The following ITGA11 variants were observed in gnomAD, a reference collection of about 807,000 sequenced individuals.
ITGA11 encodes integrin alpha-11.
ITGA11 carries 97 observed loss-of-function variants against 141.9 expected under a neutral mutation model. The ratio of observed to expected loss-of-function variants is 0.68; its 90% CI spans 0.58 to 0.81. The LOEUF (loss-of-function observed/expected upper bound fraction) is 0.81, where lower values mean the gene tolerates loss of function less well. Among genes scored for constraint, ITGA11 ranks in the 30% least tolerant of loss-of-function variants. The probability of loss-of-function intolerance (pLI) is 0.00; values close to 1 mark genes in which losing one functional copy is unlikely to be tolerated. For synonymous variants in ITGA11, 658 were observed against 624.6 expected (o/e 1.05, Z -0.80); for missense variants, 1,387 against 1,559.2 (o/e 0.89, Z 1.86).
chr15:68,306,482 C>G (rs558598357), intron 28 of ITGA11, among the ~76,000 whole-genome samples: 1 of 152,204 alleles, frequency 6.6e-6, no homozygotes, highest in Non-Finnish European at 1.5e-5. Context: ...TCGCTCCCCT[C>G]CGGGCCTGTG....
In ITGA11 at chr15:68,321,394, T is replaced by G. The variant is rs1595857700; in HGVS notation, c.2408+24A>C. 1 of 1,486,240 alleles carries G rather than the reference T, an allele frequency of 6.7e-7. No homozygotes were observed. The highest frequency in any genetic ancestry group is 9.1e-7 in the Non-Finnish European group (1 of 1,096,730). The allele number at this position is 1,486,240 out of a possible 1,614,324, so 92.1% of individuals were successfully genotyped here. A position where few individuals can be genotyped will look rare whatever the true frequency, so the allele number is the denominator to read the frequency against. On this transcript the variant is annotated intron_variant, in intron 19 of 29. Transcript: ENST00000315757. This position sits in a 1 kb window ranked among gnomAD's most constrained non-coding sequence, Gnocchi z 4.9. ...GGCAGTGAAGGGGAAGGGGCGAGGG[T>G]GGGGGTGGAAGGAGCCAACTCACAT...
rs189315992 is a variant in ITGA11, at chr15:68,303,355, G to A, written c.3496-225C>T. Among the ~76,000 whole-genome samples the A allele has an allele frequency of 2.1e-3, 322 of 152,280 alleles. 3 individuals carry two copies. Among genetic ancestry groups the A allele is most frequent in the African/African-American group, 7.4e-3 (308 of 41,558 alleles). ...AAGTCATACTAGTGCCCATCTTGCTGTGTGACCAGCCCCAGCCAACATCCC... is the reference window on the plus strand; with the variant it reads ...AAGTCATACTAGTGCCCATCTTGCTATGTGACCAGCCCCAGCCAACATCCC... On this transcript the variant is annotated intron_variant, in intron 29 of 29. Coordinates refer to ENST00000315757, the MANE Select transcript of ITGA11 (RefSeq NM_001004439.2). This position sits in a 1 kb window ranked among gnomAD's most constrained non-coding sequence, Gnocchi z 5.3.
rs1326182451 is a variant in ITGA11 at position 68,321,666 on chromosome 15, C to T, written c.2323-163G>A. ...GTCTTGTGCTTTTCCATAGATGCTTCCCTCTTTAAAACGATGCTCAAAGCT... is the reference window on the plus strand; with the variant it reads ...GTCTTGTGCTTTTCCATAGATGCTTTCCTCTTTAAAACGATGCTCAAAGCT... On this transcript the variant is annotated intron_variant, in intron 18 of 29. Coordinates refer to ENST00000315757, the MANE Select transcript of ITGA11 (RefSeq NM_001004439.2). The surrounding 1 kb of genome is among the most constrained non-coding windows in gnomAD (Gnocchi z 4.9). Among the ~76,000 whole-genome samples the T allele has an allele frequency of 6.6e-6, 1 of 152,146 alleles. No homozygotes were observed. The highest frequency in any genetic ancestry group is 1.5e-5 in the Non-Finnish European group (1 of 68,034).
In ITGA11 at chr15:68,325,212, G is replaced by T. The variant is rs779588464; in HGVS notation, c.2241C>A (p.Thr747=). ...CCTCCAGGGAATACTCGACTGAGAAGGTCACTGGCTTCACGTAGTCAGCAG... is the reference window on the plus strand; with the variant it reads ...CCTCCAGGGAATACTCGACTGAGAATGTCACTGGCTTCACGTAGTCAGCAG... ...LDTADYVKPV[T]FSVEYSLEDP... The change falls in exon 18 of 30, where the codon ACC becomes ACA. Residue 747 remains threonine, a synonymous_variant. Coordinates refer to ENST00000315757, the MANE Select transcript of ITGA11 (RefSeq NM_001004439.2). This position sits in a 1 kb window ranked among gnomAD's most constrained non-coding sequence, Gnocchi z 5.5. 6.2e-7 allele frequency: 1 copy of T among 1,613,934 alleles called. No individual in the cohort carries two copies. The highest frequency in any genetic ancestry group is 1.1e-5 in the South Asian group (1 of 91,066).
chr15:68,398,832 A>AAT (rs111676651), intron 2 of ITGA11, among the ~76,000 whole-genome samples: 147,337 of 147,378 alleles, frequency 1, 73,648 homozygotes, highest in Middle Eastern at 1. Flanking sequence ...ATAAAATATA[A>AAT]ATATTTTATA....
intron 2 of ITGA11, among the ~76,000 whole-genome samples, chr15:68,400,914 AAAT>A (rs1320243510): frequency 8.4e-5 from 4 of 47,750 alleles, no homozygotes; most frequent in South Asian, 4.5e-4. Context: ...ATTATATAAT[AAAT>A]ATTATAATAT....
At chr15:68,348,108 C>T (rs752208301) in intron 10 of ITGA11, among the ~76,000 whole-genome samples, 6 of 152,240 alleles carry the variant, frequency 3.9e-5, no homozygotes, top group Non-Finnish European at 8.8e-5. Flanking sequence ...TTCTGTCCCC[C>T]TTGCAGTCCT....
rs535301460 is a variant in ITGA11, at chr15:68,335,770, G to A, written c.1352C>T (p.Thr451Met). ...YVAGAPRFNH[T>M]GKVILFTMHN... ...CATGGTGAACAGGATGACCTTGCCC[G>A]TGTGGTTGAACCGGGGGGCTCCGGC... is the stretch of plus-strand genomic sequence containing the variant. The change falls in exon 12 of 30, where the codon ACG becomes ATG. Residue 451 changes from threonine to methionine, a missense_variant. By Grantham distance (81) the Thr-to-Met change is moderately conservative. Transcript: ENST00000315757. This position sits in a 1 kb window ranked among gnomAD's most constrained non-coding sequence, Gnocchi z 4.9. 25 of 1,613,786 alleles carry A rather than the reference G, an allele frequency of 1.5e-5. No individual in the cohort carries two copies. Among genetic ancestry groups the A allele is most frequent in the East Asian group, 6.7e-5 (3 of 44,880 alleles).
At chr15:68,323,469 C>T (rs974360366) in intron 18 of ITGA11, among the ~76,000 whole-genome samples, 3 of 152,168 alleles carry the variant, frequency 2.0e-5, no homozygotes, top group Non-Finnish European at 2.9e-5. Context: ...TGGCTCACTT[C>T]CCCAACAGGC....
intron 7 of ITGA11, among the ~76,000 whole-genome samples, chr15:68,353,582 T>G (rs917260411): frequency 1.3e-5 from 2 of 152,222 alleles, no homozygotes; most frequent in African/African-American, 4.8e-5. Context: ...GAATGTCATA[T>G]GAATCTGTAA....
chr15:68,344,076 A>C (rs1296804345), intron 10 of ITGA11, among the ~76,000 whole-genome samples: 1 of 152,164 alleles, frequency 6.6e-6, no homozygotes, highest in South Asian at 2.1e-4. Flanking sequence ...AGTGGGCACT[A>C]GGGCACAGCC....
Position 68,432,028 on chromosome 15 carries a change from G to T in ITGA11, c.39C>A (p.Leu13=). The T allele has an allele frequency of 7.5e-7, 1 of 1,338,978 alleles. No homozygotes were observed. The highest frequency in any genetic ancestry group is 3.1e-5 in the East Asian group (1 of 32,402). 82.9% of individuals were successfully genotyped at this position (1,338,978 alleles called of 1,614,324 possible). A position where few individuals can be genotyped will look rare whatever the true frequency, so the allele number is the denominator to read the frequency against. ...LPRGLVVAWA[L]SLWPGFTDTF... is the part of the protein sequence containing the mutation. ...GTGGGCACCTACCTGGCCACAGGCT[G>T]AGCGCCCAGGCCACCACCAGGCCCC... Residue 13 remains leucine, a synonymous_variant, in exon 1 of 30, where the codon CTC becomes CTA. Transcript: ENST00000315757.
intron 2 of ITGA11, among the ~76,000 whole-genome samples, chr15:68,386,106 G>A (rs76908948): frequency 6.6e-6 from 1 of 152,282 alleles, no homozygotes; most frequent in African/African-American, 2.4e-5. Flanking sequence ...GTCTCCACAA[G>A]TAGAAGACAC....
At chr15:68,356,935 G>T (rs933682710) in intron 7 of ITGA11, 4 of 539,236 alleles carry the variant, frequency 7.4e-6, no homozygotes, top group Non-Finnish European at 1.3e-5. Flanking sequence ...AGAACCTTCA[G>T]ATGACAACAG....
At position 68,322,557 on chromosome 15, in the gene ITGA11, A is replaced by G. The variant is rs16951774; in HGVS notation, c.2323-1054T>C. 0.11 allele frequency among the ~76,000 whole-genome samples: 17,114 copies of G among 151,988 alleles called. 1,922 individuals are homozygous for G. Among genetic ancestry groups the G allele is most frequent in the African/African-American group, 0.29 (12,117 of 41,340 alleles). ...TTTTTAGGTGTCTAGAAGGATAATC[A>G]TGGCATTTGGTAATAAAAGCAGGGG... On this transcript the variant is annotated intron_variant, in intron 18 of 29. Coordinates refer to ENST00000315757, the MANE Select transcript of ITGA11 (RefSeq NM_001004439.2). This position sits in a 1 kb window ranked among gnomAD's most constrained non-coding sequence, Gnocchi z 5.6.
chr15:68,364,647 A>ACC, intron 4 of ITGA11, 60 bp downstream of exon 4: 1 of 904,832 alleles, frequency 1.1e-6, no homozygotes, highest in East Asian at 2.6e-5. Context: ...GAGACGCTCC[A>ACC]CCCCTCCCCA....
Position 68,317,279 on chromosome 15 carries a change from G to A in ITGA11, c.2701C>T (p.Arg901Trp), listed in dbSNP as rs761815893. Residue 901 changes from arginine to tryptophan, a missense_variant, in exon 21 of 30, where the codon CGG becomes TGG. By Grantham distance (101) the Arg-to-Trp change is moderately radical. Transcript: ENST00000315757. Reference sequence around the variant, plus strand: ...CCAGTCTCAACCTTGGCCTTGGCCCGGAAGAAGGGATAGCTGACGTTGCAG... The same window carrying A: ...CCAGTCTCAACCTTGGCCTTGGCCCAGAAGAAGGGATAGCTGACGTTGCAG... ...QVCNVSYPFF[R>W]AKAKVAFRLD... 2.7e-5 allele frequency: 43 copies of A among 1,606,574 alleles called. No individual in the cohort carries two copies. The highest frequency in any genetic ancestry group is 2.2e-4 in the East Asian group (10 of 44,652).
chr15:68,321,576 T>A lies in ITGA11; in HGVS notation c.2323-73A>T. The A allele has an allele frequency of 2.2e-6, 2 of 909,710 alleles. No homozygotes were observed. The highest frequency in any genetic ancestry group is 3.3e-6 in the Non-Finnish European group (2 of 597,832). The allele number at this position is 909,710 out of a possible 1,614,324, so 56.4% of individuals were successfully genotyped here. On this transcript the variant is annotated intron_variant, in intron 18 of 29. Transcript: ENST00000315757. The surrounding 1 kb of genome is among the most constrained non-coding windows in gnomAD (Gnocchi z 4.9). ...CCCCTCGCCCTCAATGTACACCAGC[T>A]CTGTCTCCACCACACTAGACATGGG...
intron 2 of ITGA11, among the ~76,000 whole-genome samples, chr15:68,370,749 T>C (rs1895562716): frequency 6.6e-6 from 1 of 152,296 alleles, no homozygotes; most frequent in Non-Finnish European, 1.5e-5. Flanking sequence ...CAGGGACAGG[T>C]TGGACTTTCT....
Sources: gnomAD v4.1 joint callset for allele counts (sites outside exome capture counted in the v4.1 genomes callset) on GRCh38, gnomAD v4.1.1 for gene constraint, Gnocchi (gnomAD v3.1) non-coding constraint, MANE v1.5 for transcripts, NCBI Gene and HGNC (gene_info 2026-07-23, HGNC 2026-07-21) for gene names.